The following PICALM variants were observed in gnomAD, a reference collection of about 807,000 sequenced individuals.
PICALM encodes the protein phosphatidylinositol-binding clathrin assembly protein.
Under a neutral mutation model 80.5 loss-of-function variants are expected in PICALM, and 40 were observed. The observed-to-expected ratio is 0.50, with a 90% confidence interval of 0.39 to 0.65. The LOEUF is 0.65. Among genes scored for constraint, PICALM ranks in the 30% least tolerant of loss-of-function variants. PICALM has a pLI of 0.00. For synonymous variants in PICALM, 288 were observed against 260.3 expected (o/e 1.11, Z -1.02); for missense variants, 676 against 778.9 (o/e 0.87, Z 1.57).
At chr11:86,046,326 T>C (rs1239032106) in intron 1 of PICALM, among the ~76,000 whole-genome samples, 3 of 152,252 alleles carry the variant, frequency 2.0e-5, no homozygotes, top group Admixed American at 6.5e-5. Flanking sequence ...GATTCATGAT[T>C]CACCATTGTG....
chr11:86,068,261 C>T (rs1276314123), intron 1 of PICALM, among the ~76,000 whole-genome samples: 1 of 152,060 alleles, frequency 6.6e-6, no homozygotes, highest in East Asian at 1.9e-4. Flanking sequence ...GGCTTGGAGA[C>T]GCTCAGACGA....
chr11:86,035,039 A>T (rs1034622302), intron 1 of PICALM, among the ~76,000 whole-genome samples: 1 of 152,246 alleles, frequency 6.6e-6, no homozygotes, highest in African/African-American at 2.4e-5. Context: ...AATTTAATAC[A>T]CGTTCTCGAC....
intron 14 of PICALM, 104 bp downstream of exon 14, chr11:85,983,762 C>T (rs2094505820): frequency 1.9e-6 from 1 of 520,216 alleles, no homozygotes; most frequent in Non-Finnish European, 3.4e-6. Context: ...CTTTGGCTAC[C>T]CCAGTTTAAT....
intron 11 of PICALM, among the ~76,000 whole-genome samples, chr11:85,999,104 T>C (rs948183890): frequency 6.6e-6 from 1 of 152,236 alleles, no homozygotes; most frequent in Non-Finnish European, 1.5e-5. Context: ...ACATTCTAAA[T>C]CTTCTAGCTA....
chr11:86,062,205 T>C (rs10898432), intron 1 of PICALM, among the ~76,000 whole-genome samples: 27,425 of 152,042 alleles, frequency 0.18, 2,843 homozygotes, highest in East Asian at 0.48. Flanking sequence ...GCCAAACCCA[T>C]AGAACATACA....
intron 19 of PICALM, among the ~76,000 whole-genome samples, chr11:85,961,638 T>C (rs960779820): frequency 2.0e-5 from 3 of 152,216 alleles, no homozygotes; most frequent in African/African-American, 7.2e-5. Flanking sequence ...GACATGAACC[T>C]TTTTACTTTG....
At chr11:86,022,173 T>C (rs527751827) in intron 4 of PICALM, among the ~76,000 whole-genome samples, 194 bp downstream of exon 4, 18 of 152,258 alleles carry the variant, frequency 1.2e-4, no homozygotes, top group Middle Eastern at 3.4e-3. Context: ...GTGAATGATA[T>C]CTCAATAAAG....
At chr11:86,025,463 C>A (rs2095635430) in intron 3 of PICALM, among the ~76,000 whole-genome samples, 1 of 152,080 alleles carries the variant, frequency 6.6e-6, no homozygotes, top group South Asian at 2.1e-4. Context: ...CAAATTATAT[C>A]CACTTTAGCT....
rs17148690 is a variant in PICALM, at chr11:86,001,464, T to C, written c.894-306A>G. Among the ~76,000 whole-genome samples, 7,804 of 152,266 alleles carry C rather than the reference T, an allele frequency of 0.051. 337 individuals carry two copies. Among genetic ancestry groups the C allele is most frequent in the African/African-American group, 0.12 (5,076 of 41,542 alleles). On this transcript the variant is annotated intron_variant, in intron 9 of 19. Coordinates refer to ENST00000393346, the MANE Select transcript of PICALM (RefSeq NM_007166.4). ...GCCCCAAGAGAGGAAACCAGTGCAA[T>C]TGGGAAAGAGCCCACATAATCCCAC...
At chr11:86,066,928 A>G (rs1239880049) in intron 1 of PICALM, among the ~76,000 whole-genome samples, 3 of 152,220 alleles carry the variant, frequency 2.0e-5, no homozygotes, top group Admixed American at 1.3e-4. Flanking sequence ...TGCATTTTAA[A>G]AAGTTTTCTG....
At chr11:86,009,424 G>C (rs1316758969) in intron 7 of PICALM, among the ~76,000 whole-genome samples, 1 of 151,890 alleles carries the variant, frequency 6.6e-6, no homozygotes, top group Admixed American at 6.6e-5. Flanking sequence ...GGATGCCATG[G>C]CTCACGCCTG....
At chr11:86,018,737 A>C (rs553201577) in intron 4 of PICALM, among the ~76,000 whole-genome samples, 3 of 152,176 alleles carry the variant, frequency 2.0e-5, no homozygotes, top group African/African-American at 7.2e-5. Context: ...AAAAATACAA[A>C]AATTAGCTGG....
Position 86,022,410 on chromosome 11 carries a change from A to C in PICALM, c.409T>G (p.Ser137Ala), listed in dbSNP as rs531548903. 4 of 1,595,594 alleles carry C rather than the reference A, an allele frequency of 2.5e-6. No homozygotes were observed. In the African/African-American group the frequency reaches 4.0e-5, roughly 16 times the overall value. ...AAATCAAATGCAACTTGTCTGTATG[A>C]AACTGCTTTCTCATTTAAATATCTA... ...YSRYLNEKAV[S>A]YRQVAFDFTK... Residue 137 changes from serine (S) to alanine (A), a missense_variant, in exon 4 of 20, where the codon TCA (serine) becomes GCA (alanine). This residue lies in a region of PICALM where 285 missense variants were observed against 395.4 expected (regional missense o/e 0.72). Coordinates refer to ENST00000393346, the MANE Select transcript of PICALM (RefSeq NM_007166.4).
chr11:85,982,196 A>G (rs556884821), intron 14 of PICALM, 193 bp from the exon 15 acceptor site: 2 of 539,054 alleles, frequency 3.7e-6, no homozygotes, highest in South Asian at 4.3e-5. Flanking sequence ...AGAAGGCTGT[A>G]TTTGCTTTGA....
At chr11:86,017,783 G>A (rs1487238004) in intron 4 of PICALM, among the ~76,000 whole-genome samples, 2 of 152,138 alleles carry the variant, frequency 1.3e-5, no homozygotes, top group African/African-American at 4.8e-5. Context: ...TTAGCAAGCT[G>A]ATAGATACGT....
intron 13 of PICALM, among the ~76,000 whole-genome samples, chr11:85,986,543 A>G (rs1592584516): frequency 6.6e-6 from 1 of 151,068 alleles, no homozygotes; most frequent in East Asian, 1.9e-4. Flanking sequence ...GGCGCCCGCC[A>G]CCGCGCCCGG....
At chr11:85,963,594 G>A (rs549316120) in intron 19 of PICALM, among the ~76,000 whole-genome samples, 1 of 152,122 alleles carries the variant, frequency 6.6e-6, no homozygotes, top group East Asian at 1.9e-4. Flanking sequence ...GAAGAGCAGC[G>A]TATAAATATA....
chr11:86,027,873 T>C (rs963557321), intron 2 of PICALM, among the ~76,000 whole-genome samples: 3 of 152,096 alleles, frequency 2.0e-5, no homozygotes, highest in Non-Finnish European at 4.4e-5. Context: ...AACCAGGATT[T>C]TGAAAATCAA....
At chr11:86,021,812 C>T (rs1593013261) in intron 4 of PICALM, among the ~76,000 whole-genome samples, 1 of 152,140 alleles carries the variant, frequency 6.6e-6, no homozygotes, top group Non-Finnish European at 1.5e-5. Context: ...AAACAAAATG[C>T]AGTATATGTC....
Sources: gnomAD v4.1 joint callset for allele counts (sites outside exome capture counted in the v4.1 genomes callset) on GRCh38, gnomAD v4.1.1 for gene constraint, gnomAD v4.1.1 regional missense constraint, MANE v1.5 for transcripts, NCBI Gene and HGNC (gene_info 2026-07-23, HGNC 2026-07-21) for gene names.